SORBS2: variants seen among roughly 807,000 people sequenced by gnomAD.
SORBS2 encodes sorbin and SH3 domain containing 2.
SORBS2 carries 46 observed loss-of-function variants against 97.7 expected under a neutral mutation model. The ratio of observed to expected loss-of-function variants is 0.47; its 90% confidence interval spans 0.37 to 0.60. The LOEUF (loss-of-function observed/expected upper bound fraction) is 0.60, where lower values mean the gene tolerates loss of function less well. SORBS2 is among the 20% of genes least tolerant of loss of function. SORBS2 has a pLI of 0.00. For synonymous variants in SORBS2, 476 were observed against 473.4 expected (o/e 1.01, Z -0.07); for missense variants, 1,316 against 1,282.3 (o/e 1.03, Z -0.40).
intron 2 of SORBS2, among the ~76,000 whole-genome samples, chr4:185,702,806 G>A (rs2098283311): frequency 6.6e-6 from 1 of 152,058 alleles, no homozygotes. Flanking sequence ...AAGCACATAA[G>A]GGACTTTTAT....
At chr4:185,636,364 A>G (rs1332149558) in intron 4 of SORBS2, among the ~76,000 whole-genome samples, 1 of 152,222 alleles carries the variant, frequency 6.6e-6, no homozygotes, top group Non-Finnish European at 1.5e-5. Context: ...CAGTTCAATA[A>G]GCTACCTTGA....
Position 185,751,683 on chromosome 4 carries a change from C to T in SORBS2, c.-198+23544G>A, listed in dbSNP as rs139506155. On this transcript the variant is annotated intron_variant, in intron 2 of 20. Coordinates refer to the SORBS2 transcript ENST00000284776. ...CACACGTACACATGAACGAAAGAGGCTAGGGCATCAGAGGGGAGAGGAAAT... is the reference window on the plus strand; with the variant it reads ...CACACGTACACATGAACGAAAGAGGTTAGGGCATCAGAGGGGAGAGGAAAT... Among the ~76,000 whole-genome samples the T allele has an allele frequency of 4.5e-3, 690 of 152,098 alleles. 3 individuals are homozygous for T. Among genetic ancestry groups the T allele is most frequent in the African/African-American group, 0.015 (638 of 41,480 alleles).
chr4:185,916,719 C>A (rs1019206618), intron 1 of SORBS2, among the ~76,000 whole-genome samples: 1 of 152,138 alleles, frequency 6.6e-6, no homozygotes, highest in East Asian at 1.9e-4. Context: ...AGAACTGGCA[C>A]CTGGTCTGTA....
At chr4:185,793,029 G>T (rs1343416553) in intron 1 of SORBS2, among the ~76,000 whole-genome samples, 2 of 152,160 alleles carry the variant, frequency 1.3e-5, no homozygotes, top group Non-Finnish European at 2.9e-5. Flanking sequence ...AATTTGGCAC[G>T]CTGCCTGACA....
At chr4:185,629,354 C>T (rs1386942013) in intron 5 of SORBS2, among the ~76,000 whole-genome samples, 1 of 151,866 alleles carries the variant, frequency 6.6e-6, no homozygotes, top group African/African-American at 2.4e-5. Context: ...GGAGGGGTTC[C>T]AGAGTTCCTT....
At chr4:185,823,418 A>G (rs1338404325) in intron 1 of SORBS2, among the ~76,000 whole-genome samples, 1 of 152,240 alleles carries the variant, frequency 6.6e-6, no homozygotes, top group African/African-American at 2.4e-5. Context: ...ATATATAGTC[A>G]TAGGAAAAAG....
At chr4:185,747,290 G>A (rs2098767989) in intron 2 of SORBS2, among the ~76,000 whole-genome samples, 1 of 152,192 alleles carries the variant, frequency 6.6e-6, no homozygotes. Flanking sequence ...TGCCATCAAA[G>A]CCACCAGTCT....
intron 5 of SORBS2, among the ~76,000 whole-genome samples, chr4:185,628,330 GA>G (rs35791068): frequency 0.089 from 12,751 of 143,960 alleles, 545 homozygotes; most frequent in Middle Eastern, 0.1. Flanking sequence ...GGAAATAACT[GA>G]AAAAAAAAAA....
intron 1 of SORBS2, among the ~76,000 whole-genome samples, chr4:185,901,027 G>A (rs1032559177): frequency 6.6e-6 from 1 of 152,038 alleles, no homozygotes; most frequent in Non-Finnish European, 1.5e-5. Context: ...AGATAAACTA[G>A]GTTGCATTTA....
At chr4:185,671,097 A>C (rs1384892160) in intron 4 of SORBS2, among the ~76,000 whole-genome samples, 4 of 152,192 alleles carry the variant, frequency 2.6e-5, no homozygotes, top group African/African-American at 7.2e-5. Flanking sequence ...CGTTTCCCTA[A>C]GGCCTGGCTG....
At chr4:185,826,590 C>T (rs564048546) in intron 1 of SORBS2, among the ~76,000 whole-genome samples, 32 of 152,304 alleles carry the variant, frequency 2.1e-4, no homozygotes, top group Admixed American at 1.2e-3. Flanking sequence ...GATTACCTTG[C>T]AAAATCAGGA....
intron 7 of SORBS2, among the ~76,000 whole-genome samples, chr4:185,622,561 T>G (rs935253033): frequency 1.3e-5 from 2 of 152,234 alleles, no homozygotes; most frequent in Non-Finnish European, 2.9e-5. Flanking sequence ...AAAAGGCTAT[T>G]TGTGGAACTA....
intron 1 of SORBS2, chr4:185,775,803 T>C (rs928658350): frequency 5.3e-5 from 8 of 152,364 alleles, no homozygotes; most frequent in East Asian, 1.9e-4. Context: ...GAGAGCCCTC[T>C]GGTAGCAGTA....
At chr4:185,632,506 A>G (rs374247353) in intron 4 of SORBS2, among the ~76,000 whole-genome samples, 40 of 152,252 alleles carry the variant, frequency 2.6e-4, no homozygotes, top group African/African-American at 9.2e-4. Flanking sequence ...AAGAAAGCAA[A>G]CAAGTAAAAT....
At chr4:185,815,191 CTAAT>C (rs1380555362) in intron 1 of SORBS2, among the ~76,000 whole-genome samples, 1 of 152,144 alleles carries the variant, frequency 6.6e-6, no homozygotes, top group Non-Finnish European at 1.5e-5. Context: ...GTGTGTTTCT[CTAAT>C]TACTGACAAA....
chr4:185,667,065 C>A (rs143997830), intron 4 of SORBS2, among the ~76,000 whole-genome samples: 1 of 152,178 alleles, frequency 6.6e-6, no homozygotes, highest in Admixed American at 6.5e-5. Context: ...TTTGACCACA[C>A]GTGACAAATA....
intron 12 of SORBS2, among the ~76,000 whole-genome samples, chr4:185,595,320 A>G (rs900176875): frequency 3.7e-4 from 57 of 152,246 alleles, no homozygotes; most frequent in African/African-American, 1.3e-3. Context: ...AGAGTGAAAT[A>G]GTTTACTCCT....
At chr4:185,596,530 C>CTTTTTTTTTTTTT (rs58831094) in intron 12 of SORBS2, among the ~76,000 whole-genome samples, 1 of 77,432 alleles carries the variant, frequency 1.3e-5, no homozygotes, top group East Asian at 4.3e-4. Context: ...ACCGTCCTTG[C>CTTTTTTTTTTTTT]TTTTTTTTTT....
intron 1 of SORBS2, among the ~76,000 whole-genome samples, chr4:185,811,351 C>A (rs540017218): frequency 1.3e-5 from 2 of 152,160 alleles, no homozygotes; most frequent in Admixed American, 1.3e-4. Flanking sequence ...TGTTCACAAG[C>A]GAGAAATGTT....
Sources: gnomAD v4.1 joint callset for allele counts (sites outside exome capture counted in the v4.1 genomes callset) on GRCh38, gnomAD v4.1.1 for gene constraint, MANE v1.5 for transcripts, NCBI Gene and HGNC (gene_info 2026-07-23, HGNC 2026-07-21) for gene names.